The following ABCB1 variants were observed in gnomAD, a reference collection of about 807,000 sequenced individuals.
ABCB1 encodes ATP-dependent translocase ABCB1.
In ABCB1, 69 loss-of-function variants were observed where a neutral mutation model predicts 142.0. That is an observed-to-expected ratio of 0.49 (90% confidence interval 0.40 to 0.59). The LOEUF is 0.59. Among genes scored for constraint, ABCB1 ranks in the 20% least tolerant of loss-of-function variants. The probability of loss-of-function intolerance (pLI) is 0.00; values close to 1 mark genes in which losing one functional copy is unlikely to be tolerated. For synonymous variants in ABCB1, 532 were observed against 539.2 expected (o/e 0.99, Z 0.18); for missense variants, 1,326 against 1,554.7 (o/e 0.85, Z 2.47).
At chr7:87,521,400 C>A (rs1815499543) in intron 21 of ABCB1, 1 of 636,586 alleles carries the variant, frequency 1.6e-6, no homozygotes, top group African/African-American at 1.8e-5. Flanking sequence ...GACGCTTACC[C>A]CTTTCTGCCC....
chr7:87,516,536 G>A lies in ABCB1; in HGVS notation c.3057C>T (p.Asp1019=). The part of the protein sequence containing the change: ...IMIIEKTPLI[D]SYSTEGLMPN... The stretch of plus-strand genomic sequence containing the variant: ...GCATTAGGCCTTCCGTGCTGTAGCT[G>A]TCAATCAAAGGGGTTTTTTCAATGA... Residue 1019 remains aspartate (D), a synonymous_variant, in exon 24 of 28, where the codon GAC becomes GAT. Transcript: ENST00000622132. 1 of 1,614,186 alleles carries A rather than the reference G, an allele frequency of 6.2e-7. No individual in the cohort carries two copies. Among genetic ancestry groups the A allele is most frequent in the Non-Finnish European group, 8.5e-7 (1 of 1,180,042 alleles).
At chr7:87,625,477 C>A (rs560675262) in intron 1 of ABCB1, among the ~76,000 whole-genome samples, 8 of 152,232 alleles carry the variant, frequency 5.3e-5, no homozygotes, top group African/African-American at 1.9e-4. Flanking sequence ...GTGTTCTCTC[C>A]CTCACTCACG....
rs371995997 is a variant in ABCB1 at position 87,566,144 on chromosome 7, G to A, written c.628C>T (p.Arg210Cys). 8.7e-6 allele frequency: 14 copies of A among 1,614,046 alleles called. No homozygotes were observed. The highest frequency in any genetic ancestry group is 6.7e-5 in the African/African-American group (5 of 74,924). The part of the protein sequence containing the change: ...FFTGFIVGFT[R>C]GWKLTLVILA... ...ATCACAAGGGTTAGCTTCCAACCAC[G>A]TGTAAATCCTACTATAAACCCAGTG... Residue 210 changes from arginine to cysteine, a missense_variant, in exon 7 of 28, where the codon CGT (arginine) becomes TGT (cysteine). Transcript: ENST00000622132.
At chr7:87,546,683 G>A (rs570156619) in intron 14 of ABCB1, among the ~76,000 whole-genome samples, 16 of 152,208 alleles carry the variant, frequency 1.1e-4, no homozygotes, top group African/African-American at 2.9e-4. Context: ...GATACACACC[G>A]GCTAGTAATC....
chr7:87,608,230 A>G (rs1470551263), intron 1 of ABCB1, among the ~76,000 whole-genome samples: 3 of 152,196 alleles, frequency 2.0e-5, no homozygotes, highest in Non-Finnish European at 4.4e-5. Flanking sequence ...TGGAAAATTT[A>G]TTTCTTTTGC....
At position 87,525,819 on chromosome 7, in the gene ABCB1, A is replaced by T. The variant is rs1274835220; in HGVS notation, c.2686-4943T>A. On this transcript the variant is annotated intron_variant, in intron 21 of 27. Coordinates refer to ENST00000622132, the MANE Select transcript of ABCB1 (RefSeq NM_001348946.2). ...GGCACACCTGGTGTGACTGACATGC[A>T]TTGTGGTCTCTGTCTGACTTTTTCC... 6.6e-5 allele frequency among the ~76,000 whole-genome samples: 10 copies of T among 152,082 alleles called. 1 individual carries two copies. The highest frequency in any genetic ancestry group is 6.5e-4 in the Admixed American group (10 of 15,274).
chr7:87,618,312 T>G (rs1820094538), intron 1 of ABCB1, among the ~76,000 whole-genome samples: 1 of 152,228 alleles, frequency 6.6e-6, no homozygotes, highest in Admixed American at 6.5e-5. Context: ...AGAGCAGGAA[T>G]TTTTGCTCAC....
At position 87,542,723 on chromosome 7, in the gene ABCB1, C is replaced by T. The variant is rs566351995; in HGVS notation, c.2212-1259G>A. ...GCCAACCCCCAAAACCTGCAAGACA[C>T]ATGTTAGTGCAAGAATCAGCAAACT... On this transcript the variant is annotated intron_variant, in intron 17 of 27. Transcript: ENST00000622132. Among the ~76,000 whole-genome samples, 7 of 151,530 alleles carry T rather than the reference C, an allele frequency of 4.6e-5. No individual in the cohort carries two copies. The South Asian group carries it at 1.3e-3, about 27-fold the overall frequency.
At chr7:87,638,345 TTGTGTG>T (rs71524692) in intron 1 of ABCB1, among the ~76,000 whole-genome samples, 41 of 144,784 alleles carry the variant, frequency 2.8e-4, no homozygotes, top group East Asian at 1.2e-3. Flanking sequence ...AAGTATGTGT[TTGTGTG>T]TGTGTGTGTG....
intron 5 of ABCB1, 75 bp downstream of exon 5, chr7:87,570,097 T>C: frequency 7.4e-7 from 1 of 1,359,660 alleles, no homozygotes; most frequent in Admixed American, 1.7e-5. Context: ...GTGATGATAA[T>C]GCAAAGTTTT....
At position 87,520,008 on chromosome 7, in the gene ABCB1, G is replaced by A. The variant is rs556859568; in HGVS notation, c.2787-542C>T. Among the ~76,000 whole-genome samples, 49 of 152,214 alleles carry A rather than the reference G, an allele frequency of 3.2e-4. No homozygotes were observed. In the South Asian group the frequency reaches 9.3e-3, roughly 29 times the overall value. ...AGGAGAAGCACTAAATTCTTCGGGG[G>A]TCTCAGAGAAGGCTTTAAAAAGGGG... On this transcript the variant is annotated intron_variant, in intron 22 of 27. Coordinates refer to ENST00000622132, the MANE Select transcript of ABCB1 (RefSeq NM_001348946.2).
intron 1 of ABCB1, among the ~76,000 whole-genome samples, chr7:87,685,725 A>G (rs1016949569): frequency 6.6e-6 from 1 of 152,170 alleles, no homozygotes; most frequent in Admixed American, 6.6e-5. Flanking sequence ...TCTTTGCATG[A>G]TGAAACTGTT....
At chr7:87,531,156 T>C (rs1158893675) in intron 21 of ABCB1, 138 bp downstream of exon 21, 1 of 778,874 alleles carries the variant, frequency 1.3e-6, no homozygotes, top group Non-Finnish European at 2.1e-6. Context: ...ATTTACTGAA[T>C]AAGCATGAAA....
chr7:87,615,122 C>A (rs1429028053), intron 1 of ABCB1, among the ~76,000 whole-genome samples: 1 of 152,162 alleles, frequency 6.6e-6, no homozygotes, highest in Non-Finnish European at 1.5e-5. Flanking sequence ...CAGGTGTGAG[C>A]CCCTGCGCCC....
intron 18 of ABCB1, among the ~76,000 whole-genome samples, chr7:87,541,149 G>A (rs941931752): frequency 2.6e-5 from 4 of 152,076 alleles, no homozygotes; most frequent in Admixed American, 6.6e-5. Flanking sequence ...GTTTCATTGC[G>A]GGAGGTAAGG....
intron 1 of ABCB1, among the ~76,000 whole-genome samples, chr7:87,640,231 A>G (rs1369045406): frequency 6.7e-6 from 1 of 150,346 alleles, no homozygotes; most frequent in African/African-American, 2.4e-5. Context: ...TTATTTTATT[A>G]CCATATTTTT....
chr7:87,517,113 AT>A (rs1462120112), intron 23 of ABCB1, among the ~76,000 whole-genome samples: 1 of 152,116 alleles, frequency 6.6e-6, no homozygotes, highest in Non-Finnish European at 1.5e-5. Flanking sequence ...AAACAAACAC[AT>A]TTCCTTATAA....
rs1819178347 is a variant in ABCB1 at position 87,595,790 on chromosome 7, T to C, written c.93A>G (p.Lys31=). 6.2e-7 allele frequency: 1 copy of C among 1,610,974 alleles called. No individual in the cohort carries two copies. Among genetic ancestry groups the C allele is most frequent in the African/African-American group, 1.3e-5 (1 of 74,932 alleles). The change falls in exon 3 of 28, where the codon AAA becomes AAG. Residue 31 remains lysine (K), a synonymous_variant. Transcript: ENST00000622132. The stretch of plus-strand genomic sequence containing the variant: ...CCATTGAAAATACACTGACAGTTGG[T>C]TTCTTTTCCTTCTTATCTTTTTCAC... The part of the protein sequence containing the change: ...NKSEKDKKEK[K]PTVSVFSMFR...
rs1429940237 is a variant in ABCB1 at position 87,560,501 on chromosome 7, G to A, written c.827+762C>T. Among the ~76,000 whole-genome samples the A allele has an allele frequency of 3.3e-5, 5 of 152,114 alleles. No homozygotes were observed. The East Asian group carries it at 5.8e-4, about 18-fold the overall frequency. On this transcript the variant is annotated intron_variant, in intron 8 of 27. Coordinates refer to ENST00000622132, the MANE Select transcript of ABCB1 (RefSeq NM_001348946.2). ...TACACAACTTCTCATCTTCCCTAGA[G>A]CTAACCATTATTCTGATTTCTGAAA...
Sources: gnomAD v4.1 joint callset for allele counts (sites outside exome capture counted in the v4.1 genomes callset) on GRCh38, gnomAD v4.1.1 for gene constraint, MANE v1.5 for transcripts, NCBI Gene and HGNC (gene_info 2026-07-23, HGNC 2026-07-21) for gene names.